ZNF615: variants seen among roughly 807,000 people sequenced by gnomAD.
ZNF615 encodes the protein zinc finger protein 615.
A neutral mutation model predicts 15.3 loss-of-function variants in ZNF615; 15 were observed. The ratio of observed to expected loss-of-function variants is 0.98; its 90% confidence interval spans 0.66 to 1.51. The LOEUF (loss-of-function observed/expected upper bound fraction) is 1.51. Among genes scored for constraint, ZNF615 ranks in the 40% most tolerant of loss-of-function variants. ZNF615 has a pLI of 0.00. For synonymous variants in ZNF615, 268 were observed against 294.6 expected, an observed-to-expected ratio of 0.91 and a Z score of 0.92; for missense variants, 848 against 895.9, an observed-to-expected ratio of 0.95 and a Z score of 0.68.
In ZNF615 at chr19:51,994,138, T is replaced by C. The variant is rs775461526; in HGVS notation, c.971A>G (p.Glu324Gly). 6.2e-7 allele frequency: 1 copy of C among 1,614,108 alleles called. No individual in the cohort carries two copies. The highest frequency in any genetic ancestry group is 2.2e-5 in the East Asian group (1 of 44,882). Residue 324 changes from glutamate (E) to glycine (G), a missense_variant, in exon 7 of 7, where the codon GAG becomes GGG. Glu to Gly is a moderately conservative substitution (Grantham distance 98). Coordinates refer to ENST00000598071, the MANE Select transcript of ZNF615 (RefSeq NM_001199324.2). Reference sequence around the variant, plus strand: ...ACATACACTGCATCCATGGGGTTTCTCTCCTGTATGAGTTCGTTGATGATA... The same window carrying C: ...ACATACACTGCATCCATGGGGTTTCCCTCCTGTATGAGTTCGTTGATGATA... ...LIYHQRTHTG[E>G]KPHGCSVCGK...
At chr19:52,000,185 A>C (rs2086550481) in intron 6 of ZNF615, 161 bp downstream of exon 6, 3 of 405,856 alleles carry the variant, frequency 7.4e-6, no homozygotes, top group Non-Finnish European at 1.3e-5. Context: ...GAACACAGGG[A>C]CATCAAGACA....
Position 51,992,783 on chromosome 19 carries a change from C to A in ZNF615, c.*97G>T, listed in dbSNP as rs2086270685. 7.5e-7 allele frequency: 1 copy of A among 1,332,242 alleles called. No individual in the cohort carries two copies. Among genetic ancestry groups the A allele is most frequent in the South Asian group, 1.5e-5 (1 of 66,524 alleles). 82.5% of individuals were successfully genotyped at this position (1,332,242 alleles called of 1,614,324 possible). A position where few individuals can be genotyped will look rare whatever the true frequency, so the allele number is the denominator to read the frequency against. ...TGACACAAAACATGAAGTAACTGAT[C>A]ACTAAATAAACAACCATGTAGTCTG... On this transcript the variant is annotated 3_prime_UTR_variant, in exon 7 of 7. Coordinates refer to ENST00000598071, the MANE Select transcript of ZNF615 (RefSeq NM_001199324.2).
At chr19:51,994,995 T>C (rs1009231550) in intron 6 of ZNF615, among the ~76,000 whole-genome samples, 158 bp from the exon 7 acceptor site, 5 of 152,176 alleles carry the variant, frequency 3.3e-5, no homozygotes, top group Non-Finnish European at 7.4e-5. Context: ...TTTAATCACC[T>C]GGGTGCAGGC....
chr19:51,995,634 G>T (rs1462863558), intron 6 of ZNF615, among the ~76,000 whole-genome samples: 1 of 147,790 alleles, frequency 6.8e-6, no homozygotes, highest in African/African-American at 2.5e-5. Context: ...CACAATCTCA[G>T]CTTACTTGCA....
Position 51,993,578 on chromosome 19 carries a change from T to C in ZNF615, c.1531A>G (p.Ile511Val), listed in dbSNP as rs139611675. Residue 511 changes from isoleucine to valine, a missense_variant, in exon 7 of 7, where the codon ATT becomes GTT. Transcript: ENST00000598071. ...GKGFTVKSRL[I>V]VHQRTHTGEK... The stretch of plus-strand genomic sequence containing the variant: ...CCAGTATGAGTTCGCTGATGCACAA[T>C]AAGGCGGCTCTTCACAGTGAAGCCT... 32 of 1,613,990 alleles carry C rather than the reference T, an allele frequency of 2.0e-5. 1 individual carries two copies. The highest frequency in any genetic ancestry group is 2.6e-5 in the Non-Finnish European group (31 of 1,180,024).
intron 3 of ZNF615, among the ~76,000 whole-genome samples, chr19:52,002,907 A>G (rs922125442): frequency 4.0e-5 from 6 of 151,844 alleles, no homozygotes; most frequent in Non-Finnish European, 5.9e-5. Context: ...GCTCACTGCA[A>G]CTTCTGCCTC....
rs2086236592 is a variant in ZNF615 at position 51,991,638 on chromosome 19, G to A, written c.*1242C>T. ...TGCCAAGGGTTAGGGCTGAGGAGAGGTTGTGACTATAAACAAGGAGCATGA... is the reference window on the plus strand; with the variant it reads ...TGCCAAGGGTTAGGGCTGAGGAGAGATTGTGACTATAAACAAGGAGCATGA... On this transcript the variant is annotated 3_prime_UTR_variant, in exon 7 of 7. Coordinates refer to ENST00000598071, the MANE Select transcript of ZNF615 (RefSeq NM_001199324.2). The A allele has an allele frequency of 6.6e-6, 1 of 152,220 alleles. No homozygotes were observed. The highest frequency in any genetic ancestry group is 1.5e-5 in the Non-Finnish European group (1 of 68,048). 9.4% of individuals were successfully genotyped at this position (152,220 alleles called of 1,614,324 possible). A position where few individuals can be genotyped will look rare whatever the true frequency, so the allele number is the denominator to read the frequency against.
At chr19:52,007,180 G>GTAC (rs1221820104) in intron 2 of ZNF615, 113 bp downstream of exon 2, 1 of 576,288 alleles carries the variant, frequency 1.7e-6, no homozygotes, top group Non-Finnish European at 2.7e-6. Flanking sequence ...AAAGATAATA[G>GTAC]TACCATTTAC....
intron 6 of ZNF615, among the ~76,000 whole-genome samples, chr19:51,997,537 AAG>A (rs1444370409): frequency 2.0e-5 from 3 of 152,322 alleles, no homozygotes; most frequent in South Asian, 2.1e-4. Context: ...TTGCTACAGA[AAG>A]AGGGAACAAT....
intron 2 of ZNF615, among the ~76,000 whole-genome samples, chr19:52,006,731 A>G (rs1349409293): frequency 3.3e-5 from 5 of 152,182 alleles, no homozygotes; most frequent in Non-Finnish European, 7.4e-5. Flanking sequence ...ATACAATGTT[A>G]ATGGTAAAAG....
Position 51,994,341 on chromosome 19 carries a change from G to T in ZNF615, c.768C>A (p.Ser256=). 1 of 1,614,062 alleles carries T rather than the reference G, an allele frequency of 6.2e-7. No homozygotes were observed. The highest frequency in any genetic ancestry group is 1.1e-5 in the South Asian group (1 of 91,070). ...SMCGKAFSRK[S]RLMDHQRTHT... ...GAGTTCTCTGATGGTCCATTAGTCT[G>T]GATTTTCTGGAGAAAGCTTTCCCAC... Residue 256 remains serine (S), a synonymous_variant, in exon 7 of 7, where the codon TCC becomes TCA. Coordinates refer to ENST00000598071, the MANE Select transcript of ZNF615 (RefSeq NM_001199324.2).
intron 6 of ZNF615, among the ~76,000 whole-genome samples, chr19:51,998,364 C>T (rs1441053069): frequency 6.6e-6 from 1 of 152,126 alleles, no homozygotes; most frequent in African/African-American, 2.4e-5. Flanking sequence ...CACTCTTCAT[C>T]CAGGGAGCCT....
chr19:52,007,902 C>G (rs1430993039), intron 1 of ZNF615: 1 of 506,732 alleles, frequency 2.0e-6, no homozygotes, highest in African/African-American at 1.9e-5. Context: ...TACACGAGGA[C>G]CCTGTGACTG....
At position 51,994,376 on chromosome 19, in the gene ZNF615, A is replaced by G. The variant is rs750819396; in HGVS notation, c.733T>C (p.Cys245Arg). ...RVHTGEKPHV[C>R]SMCGKAFSRK... ...GAGAAAGCTTTCCCACACATACTGC[A>G]TACATGAGGTTTTTCTCCAGTGTGA... The change falls in exon 7 of 7, where the codon TGC becomes CGC. Residue 245 changes from cysteine to arginine, a missense_variant. Coordinates refer to ENST00000598071, the MANE Select transcript of ZNF615 (RefSeq NM_001199324.2). The G allele has an allele frequency of 1.9e-6, 3 of 1,614,152 alleles. No homozygotes were observed. Among genetic ancestry groups the G allele is most frequent in the Non-Finnish European group, 2.5e-6 (3 of 1,180,030 alleles).
chr19:52,001,018 A>T (rs1474499409), intron 5 of ZNF615, among the ~76,000 whole-genome samples: 2 of 152,154 alleles, frequency 1.3e-5, no homozygotes, highest in African/African-American at 4.8e-5. Flanking sequence ...AGACCAGGTT[A>T]TCATGGGCAC....
rs754595246 is a variant in ZNF615 at position 52,001,830 on chromosome 19, T to C, written c.221A>G (p.Tyr74Cys). The change falls in exon 5 of 7, where the codon TAC (tyrosine) becomes TGC (cysteine). Residue 74 changes from tyrosine (Y) to cysteine (C), a missense_variant. Tyr to Cys is a radical substitution (Grantham distance 194). Coordinates refer to ENST00000598071, the MANE Select transcript of ZNF615 (RefSeq NM_001199324.2). Reference sequence around the variant, plus strand: ...TCACTCACCAGAACAGATTCGAGAGTAGATTTCATCTTCTGTTGTGCAAGT... The same window carrying C: ...TCACTCACCAGAACAGATTCGAGAGCAGATTTCATCTTCTGTTGTGCAAGT... ...EETCTTEDEI[Y>C]SRICSDSGGA... 5 of 1,613,852 alleles carry C rather than the reference T, an allele frequency of 3.1e-6. No individual in the cohort carries two copies. The highest frequency in any genetic ancestry group is 1.6e-4 in the Middle Eastern group (1 of 6,084).
Position 52,003,227 on chromosome 19 carries a change from G to A in ZNF615, c.15+470C>T, listed in dbSNP as rs189717463. On this transcript the variant is annotated intron_variant, in intron 3 of 6. Transcript: ENST00000598071. ...ATATATGTGTATGTTATTAGACAGC[G>A]TTAATAACATTAAATACAATGAAGA... 1.7e-4 allele frequency among the ~76,000 whole-genome samples: 26 copies of A among 152,196 alleles called. No individual in the cohort carries two copies. In the East Asian group the frequency reaches 1.7e-3, roughly 10 times the overall value.
In ZNF615 at chr19:52,008,146, A is replaced by G; in HGVS notation, c.-233T>C. The G allele has an allele frequency of 6.5e-7, 1 of 1,535,486 alleles. No homozygotes were observed. Among genetic ancestry groups the G allele is most frequent in the East Asian group, 2.4e-5 (1 of 40,866 alleles). On this transcript the variant is annotated 5_prime_UTR_variant, in exon 1 of 7. Coordinates refer to ENST00000598071, the MANE Select transcript of ZNF615 (RefSeq NM_001199324.2). ...CACCCAGTGACTGAACTTACTTCCCAGAACTTGGTGGGCTCCGGCCTCATC... is the reference window on the plus strand; with the variant it reads ...CACCCAGTGACTGAACTTACTTCCCGGAACTTGGTGGGCTCCGGCCTCATC...
Position 52,002,515 on chromosome 19 carries a change from C to G in ZNF615, c.16-234G>C, listed in dbSNP as rs16983372. On this transcript the variant is annotated intron_variant, in intron 3 of 6. Transcript: ENST00000598071. ...GTCTGTAATACACAGCTATCCAATC[C>G]TCTTGCTAATGAAAGAACATCTATA... is the stretch of plus-strand genomic sequence containing the variant. The G allele has an allele frequency of 6.7e-3, 4,133 of 617,036 alleles. 121 individuals carry two copies. Among genetic ancestry groups the G allele is most frequent in the African/African-American group, 0.067 (3,695 of 55,236 alleles). 38.2% of individuals were successfully genotyped at this position (617,036 alleles called of 1,614,324 possible).
Sources: gnomAD v4.1 joint callset for allele counts (sites outside exome capture counted in the v4.1 genomes callset) on GRCh38, gnomAD v4.1.1 for gene constraint, MANE v1.5 for transcripts, NCBI Gene and HGNC (gene_info 2026-07-23, HGNC 2026-07-21) for gene names.